CACNA1D: variants seen among roughly 807,000 people sequenced by gnomAD.
The protein encoded by CACNA1D is voltage-dependent L-type calcium channel subunit alpha-1D.
In CACNA1D, 55 loss-of-function variants were observed where a neutral mutation model predicts 257.1. That is an observed-to-expected ratio of 0.21 (90% CI 0.17 to 0.27). The LOEUF (loss-of-function observed/expected upper bound fraction) is 0.27. Ranked by LOEUF, CACNA1D falls within the 10% of genes least tolerant of loss-of-function variation. CACNA1D has a pLI of 1.00. For synonymous variants in CACNA1D, 980 were observed against 1,014.9 expected, an observed-to-expected ratio of 0.97 and a Z score of 0.65; for missense variants, 1,876 against 2,784.0, an observed-to-expected ratio of 0.67 and a Z score of 7.34.
intron 8 of CACNA1D, among the ~76,000 whole-genome samples, chr3:53,678,340 T>C (rs943091815): frequency 2.6e-5 from 4 of 152,234 alleles, no homozygotes; most frequent in Non-Finnish European, 4.4e-5. Context: ...TAAATATTGT[T>C]ATTAAACCCA....
Position 53,601,387 on chromosome 3 carries a change from T to C in CACNA1D, c.484-49392T>C, listed in dbSNP as rs117038770. ...TCCACTTTACCAAGATCTACCCCTC[T>C]TGGGGCTGTGCTCCCTGGTTAAGAA... On this transcript the variant is annotated intron_variant, in intron 3 of 47. Transcript: ENST00000350061. 1.6e-4 allele frequency among the ~76,000 whole-genome samples: 24 copies of C among 152,356 alleles called. No homozygotes were observed. The East Asian group carries it at 4.2e-3, about 27-fold the overall frequency.
intron 3 of CACNA1D, among the ~76,000 whole-genome samples, chr3:53,545,364 CA>C: frequency 6.6e-6 from 1 of 152,318 alleles, no homozygotes; most frequent in African/African-American, 2.4e-5. Flanking sequence ...CTCACAAGGC[CA>C]TGGAGCTCGT....
chr3:53,595,994 C>T (rs1163801836), intron 3 of CACNA1D, among the ~76,000 whole-genome samples: 1 of 152,152 alleles, frequency 6.6e-6, no homozygotes, highest in Admixed American at 6.5e-5. Context: ...GGTTTCTTTT[C>T]AGTTACAGAA....
At chr3:53,691,165 G>A (rs1345175949) in intron 8 of CACNA1D, among the ~76,000 whole-genome samples, 1 of 145,966 alleles carries the variant, frequency 6.9e-6, no homozygotes, top group African/African-American at 2.7e-5. Flanking sequence ...TTTTTTTTGG[G>A]GGGGAGATGG....
intron 40 of CACNA1D, among the ~76,000 whole-genome samples, chr3:53,794,500 G>A (rs1284506814): frequency 6.6e-6 from 1 of 152,148 alleles, no homozygotes; most frequent in Non-Finnish European, 1.5e-5. Context: ...AGTGGAGAAA[G>A]GTCCACAGAA....
In CACNA1D at chr3:53,518,051, C is replaced by G. The variant is rs142069272; in HGVS notation, c.483+16331C>G. On this transcript the variant is annotated intron_variant, in intron 3 of 47. Transcript: ENST00000350061. ...AACTGAAGTAATGGATTTGGTCACA[C>G]CACTAGCTGGGTAGCCACCTGAGGC... Among the ~76,000 whole-genome samples the G allele has an allele frequency of 2.6e-5, 4 of 152,332 alleles. No individual in the cohort carries two copies. The East Asian group carries it at 7.7e-4, about 29-fold the overall frequency.
At chr3:53,806,286 A>C (rs891153285) in intron 45 of CACNA1D, among the ~76,000 whole-genome samples, 1 of 148,372 alleles carries the variant, frequency 6.7e-6, no homozygotes, top group African/African-American at 2.5e-5. Flanking sequence ...TCTTCCTGTC[A>C]AGTCTGTCAG....
chr3:53,760,602 C>T (rs1482724337), intron 29 of CACNA1D, among the ~76,000 whole-genome samples: 1 of 152,364 alleles, frequency 6.6e-6, no homozygotes, highest in Non-Finnish European at 1.5e-5. Flanking sequence ...CCACCACCCT[C>T]TCCAACCGGG....
intron 3 of CACNA1D, among the ~76,000 whole-genome samples, chr3:53,544,513 C>G (rs1271678086): frequency 1.3e-5 from 2 of 151,980 alleles, no homozygotes; most frequent in Non-Finnish European, 2.9e-5. Flanking sequence ...ACAAGAACCT[C>G]CAGTCCTGGG....
At chr3:53,775,189 T>G (rs1480267603) in intron 34 of CACNA1D, among the ~76,000 whole-genome samples, 3 of 152,240 alleles carry the variant, frequency 2.0e-5, no homozygotes, top group Non-Finnish European at 4.4e-5. Flanking sequence ...ATGACTCTAG[T>G]GACTGACAAG....
intron 3 of CACNA1D, among the ~76,000 whole-genome samples, chr3:53,595,183 G>A (rs544631233): frequency 1.3e-5 from 2 of 152,172 alleles, no homozygotes; most frequent in Non-Finnish European, 2.9e-5. Flanking sequence ...TATAATCTTT[G>A]TATCTGTAGT....
chr3:53,634,868 G>A (rs946882462), intron 3 of CACNA1D, among the ~76,000 whole-genome samples: 1 of 152,166 alleles, frequency 6.6e-6, no homozygotes. Context: ...ACCAGGAATT[G>A]GACTGCTCTT....
intron 29 of CACNA1D, among the ~76,000 whole-genome samples, chr3:53,758,114 G>A (rs1234633478): frequency 1.3e-5 from 2 of 152,180 alleles, no homozygotes; most frequent in Non-Finnish European, 1.5e-5. Context: ...GGCATGAGAC[G>A]ATACCTGCTT....
At chr3:53,784,619 G>T (rs1390792659) in intron 39 of CACNA1D, among the ~76,000 whole-genome samples, 1 of 152,186 alleles carries the variant, frequency 6.6e-6, no homozygotes, top group Non-Finnish European at 1.5e-5. Context: ...AGGGTGGAAT[G>T]GGGTGTGGGT....
intron 18 of CACNA1D, among the ~76,000 whole-genome samples, chr3:53,732,470 G>C (rs973209986): frequency 1.3e-5 from 2 of 152,198 alleles, no homozygotes; most frequent in African/African-American, 2.4e-5. Context: ...CAGTTTCTCA[G>C]GCTAGTCTGA....
chr3:53,516,512 G>C (rs1355308955), intron 3 of CACNA1D, among the ~76,000 whole-genome samples: 1 of 152,226 alleles, frequency 6.6e-6, no homozygotes, highest in Non-Finnish European at 1.5e-5. Context: ...GCCTGGTGGG[G>C]GCACTGGGTG....
Position 53,722,325 on chromosome 3 carries a change from G to A in CACNA1D, c.1517G>A (p.Arg506His), listed in dbSNP as rs141239749. 5.2e-5 allele frequency: 84 copies of A among 1,614,054 alleles called. No homozygotes were observed. Among genetic ancestry groups the A allele is most frequent in the Non-Finnish European group, 6.0e-5 (71 of 1,180,052 alleles). The change falls in exon 12 of 48, where the codon CGT becomes CAT. Residue 506 changes from arginine (R) to histidine (H), a missense_variant. Arg to His is a conservative substitution (Grantham distance 29). Around this residue, in one of 10 missense-constraint regions of CACNA1D, gnomAD observed 257 missense variants for 399.7 expected, o/e 0.64. Coordinates refer to ENST00000350061, the MANE Select transcript of CACNA1D (RefSeq NM_001128840.3). ...ISKSKLSRRW[R>H]RWNRFNRRRC... ...TGCTTGTCTTTTAGCCGACGCTGGC[G>A]TCGCTGGAACCGATTCAATCGCAGA...
At position 53,581,113 on chromosome 3, in the gene CACNA1D, C is replaced by T. The variant is rs186591737; in HGVS notation, c.484-69666C>T. Among the ~76,000 whole-genome samples the T allele has an allele frequency of 3.3e-5, 5 of 152,272 alleles. No individual in the cohort carries two copies. In the East Asian group the frequency reaches 9.6e-4, roughly 29 times the overall value. On this transcript the variant is annotated intron_variant, in intron 3 of 47. Transcript: ENST00000350061. ...CTGCATATCTTGAAGGTGGTTTATC[C>T]AGCTCACAAGAAAGAATTGATGTGC...
rs576654129 is a variant in CACNA1D at position 53,662,268 on chromosome 3, AT to A, written c.766+1996del. Among the ~76,000 whole-genome samples, 28 of 152,318 alleles carry A rather than the reference AT, an allele frequency of 1.8e-4. No individual in the cohort carries two copies. The South Asian group carries it at 2.7e-3, about 15-fold the overall frequency. On this transcript the variant is annotated intron_variant, in intron 5 of 47. Transcript: ENST00000350061. ...TATTTCACAAGGTGGTGAATCAGGC[AT>A]TTGTGGAGTTCTTAAGCACCCACAT...
Sources: allele counts gnomAD v4.1 joint callset (sites outside exome capture counted in the v4.1 genomes callset), GRCh38; gene constraint gnomAD v4.1.1; regional missense constraint gnomAD v4.1.1; transcripts MANE v1.5; gene names NCBI Gene and HGNC (gene_info 2026-07-23, HGNC 2026-07-21).